The following PGM5 variants were observed in gnomAD, a reference collection of about 807,000 sequenced individuals.
The protein encoded by PGM5 is phosphoglucomutase 5.
In PGM5, 23 loss-of-function variants were observed where a neutral mutation model predicts 59.2. The observed-to-expected ratio is 0.39, with a 90% CI of 0.28 to 0.55. The LOEUF (loss-of-function observed/expected upper bound fraction) is 0.55, where lower values mean the gene tolerates loss of function less well. Among genes scored for constraint, PGM5 ranks in the 20% least tolerant of loss-of-function variants. The pLI, the probability that PGM5 is intolerant of heterozygous loss-of-function variation, is 0.66. For missense variants in PGM5, 574 were observed against 748.3 expected, an observed-to-expected ratio of 0.77 and a Z score of 2.72; for synonymous variants, 214 against 286.0, an observed-to-expected ratio of 0.75 and a Z score of 2.54.
At chr9:68,478,239 C>A (rs1824136330) in intron 7 of PGM5, among the ~76,000 whole-genome samples, 2 of 152,248 alleles carry the variant, frequency 1.3e-5, no homozygotes, top group Non-Finnish European at 1.5e-5. Flanking sequence ...ATTTAGACTG[C>A]AGTCTTCATT....
intron 10 of PGM5, among the ~76,000 whole-genome samples, chr9:68,519,301 ATAT>A (rs1432159550): frequency 4.6e-5 from 7 of 152,218 alleles, no homozygotes; most frequent in Non-Finnish European, 7.4e-5. Context: ...GCTGTATAAA[ATAT>A]TAATAATTGC....
intron 6 of PGM5, among the ~76,000 whole-genome samples, chr9:68,431,756 T>TC (rs1260127749): frequency 5.3e-5 from 8 of 152,184 alleles, no homozygotes; most frequent in African/African-American, 1.7e-4. Flanking sequence ...GCCAAGATTT[T>TC]CCAGAATTTC....
intron 7 of PGM5, chr9:68,466,256 C>A: frequency 4.7e-6 from 5 of 1,054,948 alleles, no homozygotes; most frequent in Non-Finnish European, 6.0e-6. Context: ...AATTCTTCTT[C>A]TCCGATACTG....
chr9:68,393,128 A>G lies in PGM5; in HGVS notation c.1043+655A>G, dbSNP rs1822408863. ...ATCACCCTATATTATAAAACATTGAATTTCAGAGTCTGACATGTTCAACCA... is the reference window on the plus strand; with the variant it reads ...ATCACCCTATATTATAAAACATTGAGTTTCAGAGTCTGACATGTTCAACCA... On this transcript the variant is annotated intron_variant, in intron 6 of 10. Transcript: ENST00000396396. Among the ~76,000 whole-genome samples, 3 of 151,950 alleles carry G rather than the reference A, an allele frequency of 2.0e-5. No individual in the cohort carries two copies. In the South Asian group the frequency reaches 6.2e-4, roughly 31 times the overall value.
At chr9:68,500,952 G>A (rs1411961038) in intron 10 of PGM5, among the ~76,000 whole-genome samples, 1 of 152,038 alleles carries the variant, frequency 6.6e-6, no homozygotes, top group African/African-American at 2.4e-5. Context: ...GTCCACAAAA[G>A]CAGTGCTTTT....
chr9:68,465,206 C>T lies in PGM5; in HGVS notation c.1157C>T (p.Thr386Ile), dbSNP rs782003698. 6.3e-7 allele frequency: 1 copy of T among 1,599,422 alleles called. No homozygotes were observed. Among genetic ancestry groups the T allele is most frequent in the Admixed American group, 1.7e-5 (1 of 59,844 alleles). The change falls in exon 7 of 11, where the codon ACT becomes ATT. Residue 386 changes from threonine to isoleucine, a missense_variant and splice_region_variant. By Grantham distance (89) the Thr-to-Ile change is moderately conservative. Coordinates refer to ENST00000396396, the MANE Select transcript of PGM5 (RefSeq NM_021965.4). ...CTGTGTGGGGAAGAGAGCTTTGGCA[C>T]TGGTAGGCTTTGTTGGGTTGATATT... The part of the protein sequence containing the change: ...CNLCGEESFG[T>I]GSDHLREKDG...
At chr9:68,390,839 G>A (rs1822346466) in intron 4 of PGM5, among the ~76,000 whole-genome samples, 1 of 152,094 alleles carries the variant, frequency 6.6e-6, no homozygotes, top group African/African-American at 2.4e-5. Flanking sequence ...CTTCTCTGAA[G>A]CCATTGGATA....
chr9:68,430,987 A>AT (rs1823335467), intron 6 of PGM5, among the ~76,000 whole-genome samples: 1 of 152,244 alleles, frequency 6.6e-6, no homozygotes, highest in East Asian at 1.9e-4. Context: ...TACAGGTGTC[A>AT]TACCCACCTT....
intron 3 of PGM5, among the ~76,000 whole-genome samples, chr9:68,386,870 A>G (rs1822233480): frequency 6.6e-6 from 1 of 151,968 alleles, no homozygotes; most frequent in African/African-American, 2.4e-5. Flanking sequence ...TTTAATGAGA[A>G]CTTCTAGATA....
chr9:68,370,460 G>A (rs1432714893), intron 1 of PGM5, among the ~76,000 whole-genome samples: 2 of 152,014 alleles, frequency 1.3e-5, no homozygotes, highest in South Asian at 4.2e-4. Context: ...ATATTACCTC[G>A]CTGCTCTCTA....
intron 10 of PGM5, among the ~76,000 whole-genome samples, chr9:68,513,171 T>G (rs183816219): frequency 6.6e-6 from 1 of 152,384 alleles, no homozygotes; most frequent in East Asian, 1.9e-4. Context: ...TTTGTATTTG[T>G]GTATATTTGT....
At chr9:68,502,170 G>T (rs1025265266) in intron 10 of PGM5, among the ~76,000 whole-genome samples, 1 of 152,204 alleles carries the variant, frequency 6.6e-6, no homozygotes, top group East Asian at 1.9e-4. Flanking sequence ...ATCCCACTCT[G>T]TGTCCTTGGT....
chr9:68,466,270 G>GTGTTT, intron 7 of PGM5: 1 of 558,468 alleles, frequency 1.8e-6, no homozygotes, highest in African/African-American at 2.5e-5. Flanking sequence ...GATACTGTGT[G>GTGTTT]TTTTTTTTTT....
chr9:68,359,154 C>T (rs1465323310), intron 1 of PGM5, among the ~76,000 whole-genome samples: 2 of 152,198 alleles, frequency 1.3e-5, no homozygotes, highest in African/African-American at 4.8e-5. Context: ...CTTATTATTT[C>T]TTGTCCCACT....
At chr9:68,396,358 C>T (rs1458798550) in intron 6 of PGM5, 15 of 152,292 alleles carry the variant, frequency 9.8e-5, no homozygotes, top group African/African-American at 3.4e-4. Context: ...TCAAAAGGGT[C>T]CCTGATAAAC....
intron 10 of PGM5, among the ~76,000 whole-genome samples, chr9:68,524,737 C>G (rs777473699): frequency 6.6e-6 from 1 of 152,184 alleles, no homozygotes; most frequent in Non-Finnish European, 1.5e-5. Context: ...TTCCCTGCTC[C>G]TCCCCATTCA....
intron 9 of PGM5, among the ~76,000 whole-genome samples, chr9:68,494,141 C>A (rs1824444043): frequency 1.3e-5 from 2 of 152,174 alleles, no homozygotes; most frequent in Non-Finnish European, 2.9e-5. Flanking sequence ...CCTGGATATT[C>A]CGGCTACTCT....
intron 1 of PGM5, among the ~76,000 whole-genome samples, chr9:68,367,198 T>G (rs188909057): frequency 1.2e-3 from 188 of 152,038 alleles, no homozygotes; most frequent in Non-Finnish European, 2.9e-4. Context: ...AGGACTTTTT[T>G]GGTGTGGTCT....
intron 6 of PGM5, among the ~76,000 whole-genome samples, chr9:68,447,056 T>C (rs1823623222): frequency 6.6e-6 from 1 of 152,106 alleles, no homozygotes; most frequent in African/African-American, 2.4e-5. Flanking sequence ...AGGGAAAACA[T>C]CCCAAGGCAG....
Sources: allele counts gnomAD v4.1 joint callset (sites outside exome capture counted in the v4.1 genomes callset), GRCh38; gene constraint gnomAD v4.1.1; transcripts MANE v1.5; gene names NCBI Gene and HGNC (gene_info 2026-07-23, HGNC 2026-07-21).